MIDEAS: variants seen among roughly 807,000 people sequenced by gnomAD.
The protein encoded by MIDEAS is mitotic deacetylase associated SANT domain protein.
In MIDEAS, 26 loss-of-function variants were observed where a neutral mutation model predicts 102.7. The ratio of observed to expected loss-of-function variants is 0.25; its 90% CI spans 0.19 to 0.35. The LOEUF (loss-of-function observed/expected upper bound fraction) is 0.35, where lower values mean the gene tolerates loss of function less well. Among genes scored for constraint, MIDEAS ranks in the 10% least tolerant of loss-of-function variants. The pLI, the probability that MIDEAS is intolerant of heterozygous loss-of-function variation, is 1.00. For missense variants in MIDEAS, 1,231 were observed against 1,435.6 expected, an observed-to-expected ratio of 0.86 and a Z score of 2.30; for synonymous variants, 585 against 591.0, an observed-to-expected ratio of 0.99 and a Z score of 0.15.
At chr14:73,736,424 G>A (rs929336653) in intron 3 of MIDEAS, among the ~76,000 whole-genome samples, 8 of 152,042 alleles carry the variant, frequency 5.3e-5, no homozygotes, top group African/African-American at 1.4e-4. Context: ...GAGGTCAGGA[G>A]ATCGAGACCA....
intron 5 of MIDEAS, 152 bp downstream of exon 5, chr14:73,727,306 C>A (rs1463762137): frequency 9.9e-6 from 8 of 810,608 alleles, no homozygotes; most frequent in Non-Finnish European, 1.6e-5. Context: ...GCGGGGACAG[C>A]AAAGCCCAGG....
chr14:73,751,697 A>G (rs2140142623), intron 1 of MIDEAS, among the ~76,000 whole-genome samples: 1 of 152,284 alleles, frequency 6.6e-6, no homozygotes, highest in South Asian at 2.1e-4. Flanking sequence ...TCAGGAGTTT[A>G]TGAGACCAGC....
intron 1 of MIDEAS, among the ~76,000 whole-genome samples, chr14:73,766,733 G>C (rs1317476952): frequency 6.6e-5 from 10 of 151,732 alleles, no homozygotes; most frequent in African/African-American, 2.4e-4. Context: ...TGTATTTTTA[G>C]TAGAAACGGG....
chr14:73,749,315 C>T (rs1383020705), intron 1 of MIDEAS, among the ~76,000 whole-genome samples: 1 of 141,984 alleles, frequency 7.0e-6, no homozygotes, highest in African/African-American at 2.7e-5. Flanking sequence ...AGGAGGATCA[C>T]TTGAGCCCAG....
chr14:73,766,782 T>A (rs1176148990), intron 1 of MIDEAS, among the ~76,000 whole-genome samples: 1 of 151,850 alleles, frequency 6.6e-6, no homozygotes, highest in Non-Finnish European at 1.5e-5. Context: ...CTCAATCTCC[T>A]GACCTCATCA....
chr14:73,763,943 C>T (rs555648599), upstream of MIDEAS, among the ~76,000 whole-genome samples: 1 of 152,252 alleles, frequency 6.6e-6, no homozygotes, highest in South Asian at 2.1e-4. Flanking sequence ...CAAAAAACTG[C>T]TTTATAACTC....
chr14:73,786,704 G>T (rs2053812975), intron 1 of MIDEAS, among the ~76,000 whole-genome samples: 1 of 152,246 alleles, frequency 6.6e-6, no homozygotes, highest in Admixed American at 6.5e-5. Flanking sequence ...CAAGGGCTGC[G>T]AAGAGGAAGA....
chr14:73,758,687 C>A (rs2053516409), intron 1 of MIDEAS: 1 of 154,466 alleles, frequency 6.5e-6, no homozygotes, highest in Admixed American at 6.5e-5. Flanking sequence ...GTAGTTGTGA[C>A]CAACAAAGTT....
chr14:73,787,322 C>A, upstream of MIDEAS: 1 of 150,486 alleles, frequency 6.6e-6, no homozygotes, highest in South Asian at 2.0e-4. Flanking sequence ...CGGCTCCGCG[C>A]GCCCCTGGCC....
intron 4 of MIDEAS, 77 bp downstream of exon 4, chr14:73,729,563 G>T: frequency 8.3e-7 from 1 of 1,204,148 alleles, no homozygotes; most frequent in Non-Finnish European, 1.2e-6. Flanking sequence ...ATCCCCAGCA[G>T]CCCCACAGGC....
intron 3 of MIDEAS, among the ~76,000 whole-genome samples, chr14:73,732,245 C>A (rs1180646045): frequency 6.6e-6 from 1 of 152,208 alleles, no homozygotes; most frequent in African/African-American, 2.4e-5. Context: ...GCCAACTCTC[C>A]AGCTGAGAAT....
rs2053257537 is a variant in MIDEAS at position 73,739,651 on chromosome 14, T to C, written c.358A>G (p.Ser120Gly). 6.2e-7 allele frequency: 1 copy of C among 1,613,818 alleles called. No individual in the cohort carries two copies. The highest frequency in any genetic ancestry group is 8.5e-7 in the Non-Finnish European group (1 of 1,179,972). The part of the protein sequence containing the change: ...RGGGGGVSDS[S>G]WQQQPGQPPP... ...GGCTGGCCTGGCTGCTGCTGCCAGC[T>C]GCTGTCACTGACACCCCCACCTCCT... Residue 120 changes from serine to glycine, a missense_variant, in exon 2 of 13, where the codon AGC becomes GGC. Physicochemically the swap from Ser to Gly is moderately conservative, Grantham distance 56. Around this residue, in one of 5 missense-constraint regions of MIDEAS, gnomAD observed 758 missense variants for 856.0 expected, o/e 0.89. Coordinates refer to ENST00000423556, the MANE Select transcript of MIDEAS (RefSeq NM_001367710.1).
intron 1 of MIDEAS, among the ~76,000 whole-genome samples, chr14:73,772,760 A>G (rs573475294): frequency 1.4e-3 from 213 of 151,614 alleles, no homozygotes; most frequent in African/African-American, 4.9e-3. Context: ...AATAGATCAA[A>G]GGAAATTAAC....
rs1000462824 is a variant in MIDEAS at position 73,716,361 on chromosome 14, G to A, written c.*2482C>T. 2.6e-5 allele frequency: 4 copies of A among 152,104 alleles called. No homozygotes were observed. The highest frequency in any genetic ancestry group is 7.2e-5 in the African/African-American group (3 of 41,408). 9.4% of individuals were successfully genotyped at this position (152,104 alleles called of 1,614,324 possible). A position where few individuals can be genotyped will look rare whatever the true frequency, so the allele number is the denominator to read the frequency against. ...TGGTCTGGTCTCTGTAAGCTTAGAA[G>A]AGTAGAATCACTTTATTTTTTAAAG... On this transcript the variant is annotated 3_prime_UTR_variant, in exon 13 of 13. Coordinates refer to ENST00000423556, the MANE Select transcript of MIDEAS (RefSeq NM_001367710.1).
Position 73,715,332 on chromosome 14 carries a change from T to C in MIDEAS, c.*3511A>G, listed in dbSNP as rs1278287638. On this transcript the variant is annotated 3_prime_UTR_variant, in exon 13 of 13. Transcript: ENST00000423556. ...TAATATTTATATATGTACACTATTTTAATATGTAACAGTCTTTTTAAAAAA... is the reference window on the plus strand; with the variant it reads ...TAATATTTATATATGTACACTATTTCAATATGTAACAGTCTTTTTAAAAAA... 1 of 152,646 alleles carries C rather than the reference T, an allele frequency of 6.6e-6. No individual in the cohort carries two copies. Among genetic ancestry groups the C allele is most frequent in the African/African-American group, 2.4e-5 (1 of 41,452 alleles). 9.5% of individuals were successfully genotyped at this position (152,646 alleles called of 1,614,324 possible).
chr14:73,740,514 G>A (rs1231159226), intron 1 of MIDEAS, among the ~76,000 whole-genome samples: 1 of 152,210 alleles, frequency 6.6e-6, no homozygotes, highest in African/African-American at 2.4e-5. Context: ...TCCTGGTTCC[G>A]CTCCAGGACT....
intron 10 of MIDEAS, 153 bp from the exon 11 acceptor site, chr14:73,721,662 G>A (rs1386053267): frequency 1.5e-6 from 1 of 652,320 alleles, no homozygotes; most frequent in African/African-American, 1.8e-5. Context: ...TCTGGACTCT[G>A]TCCCCATGGC....
chr14:73,746,386 C>T (rs1332730585), intron 1 of MIDEAS, among the ~76,000 whole-genome samples: 2 of 152,170 alleles, frequency 1.3e-5, no homozygotes, highest in African/African-American at 4.8e-5. Flanking sequence ...GCAAAGGCCA[C>T]GAAGAGTCAC....
chr14:73,775,003 T>C (rs1292508027), intron 1 of MIDEAS, among the ~76,000 whole-genome samples: 3 of 151,926 alleles, frequency 2.0e-5, no homozygotes, highest in Non-Finnish European at 4.4e-5. Flanking sequence ...AGAAATGCCA[T>C]GGTGGCAACT....
Sources: gnomAD v4.1 joint callset for allele counts (sites outside exome capture counted in the v4.1 genomes callset) on GRCh38, gnomAD v4.1.1 for gene constraint, gnomAD v4.1.1 regional missense constraint, MANE v1.5 for transcripts, NCBI Gene and HGNC (gene_info 2026-07-23, HGNC 2026-07-21) for gene names.